The following HHAT variants were observed in gnomAD, a reference collection of about 807,000 sequenced individuals.
HHAT encodes hedgehog acyltransferase, also known as protein-cysteine N-palmitoyltransferase HHAT.
HHAT carries 47 observed loss-of-function variants against 70.8 expected under a neutral mutation model. The observed-to-expected ratio is 0.66, with a 90% CI of 0.53 to 0.85. HHAT has a LOEUF of 0.85. HHAT is among the 40% of genes least tolerant of loss of function. HHAT has a pLI of 0.00. For synonymous variants in HHAT, 228 were observed against 247.6 expected (o/e 0.92, Z 0.74); for missense variants, 609 against 604.8 (o/e 1.01, Z -0.07).
intron 4 of HHAT, among the ~76,000 whole-genome samples, chr1:210,397,440 G>A (rs946141454): frequency 9.9e-5 from 15 of 151,834 alleles, no homozygotes; most frequent in Non-Finnish European, 8.8e-5. Flanking sequence ...CGTACAGTAT[G>A]TGTGTGACCA....
rs558170666 is a variant in HHAT at position 210,668,750 on chromosome 1, A to G, written c.1391-5538A>G. Among the ~76,000 whole-genome samples, 509 of 152,104 alleles carry G rather than the reference A, an allele frequency of 3.3e-3. 5 individuals are homozygous for G. The highest frequency in any genetic ancestry group is 9.4e-3 in the African/African-American group (390 of 41,498). ...TACTGTTTTCCACAGTGGCTGTACCATTTCATATTACCTTTTATTTATTTA... is the reference window on the plus strand; with the variant it reads ...TACTGTTTTCCACAGTGGCTGTACCGTTTCATATTACCTTTTATTTATTTA... On this transcript the variant is annotated intron_variant, in intron 11 of 11. Transcript: ENST00000261458.
At chr1:210,381,544 G>C (rs920762130) in intron 3 of HHAT, among the ~76,000 whole-genome samples, 1 of 152,176 alleles carries the variant, frequency 6.6e-6, no homozygotes, top group Non-Finnish European at 1.5e-5. Flanking sequence ...GCTTTCCAAA[G>C]TGCTGGGATT....
intron 10 of HHAT, among the ~76,000 whole-genome samples, chr1:210,592,198 G>A (rs1661868750): frequency 6.6e-6 from 1 of 151,904 alleles, no homozygotes. Context: ...ATTTTGATTT[G>A]ATTTTTTTTA....
intron 3 of HHAT, among the ~76,000 whole-genome samples, chr1:210,371,292 G>T (rs1037952924): frequency 1.3e-5 from 2 of 152,158 alleles, no homozygotes; most frequent in Non-Finnish European, 2.9e-5. Context: ...GGGCCTACAG[G>T]CATGTGCCAT....
intron 8 of HHAT, among the ~76,000 whole-genome samples, chr1:210,511,506 C>T (rs1424213462): frequency 6.6e-6 from 1 of 152,078 alleles, no homozygotes; most frequent in East Asian, 1.9e-4. Flanking sequence ...GGCGAGGTAC[C>T]AGGCATGATG....
chr1:210,663,220 A>G (rs1574087984), intron 11 of HHAT, among the ~76,000 whole-genome samples: 1 of 152,190 alleles, frequency 6.6e-6, no homozygotes, highest in Non-Finnish European at 1.5e-5. Flanking sequence ...GGGCGGCCCC[A>G]GGAGATGGGG....
intron 1 of HHAT, among the ~76,000 whole-genome samples, chr1:210,342,311 G>T (rs536631656): frequency 1.3e-5 from 2 of 152,136 alleles, no homozygotes; most frequent in African/African-American, 2.4e-5. Context: ...ACATGAAATC[G>T]TATGTTTTAA....
intron 11 of HHAT, among the ~76,000 whole-genome samples, chr1:210,638,829 C>T (rs888290178): frequency 3.3e-5 from 5 of 151,964 alleles, no homozygotes; most frequent in Non-Finnish European, 5.9e-5. Context: ...TGCTTGAGCC[C>T]GGGAGGCCAA....
At chr1:210,456,538 G>A (rs2093872949) in intron 7 of HHAT, among the ~76,000 whole-genome samples, 1 of 152,218 alleles carries the variant, frequency 6.6e-6, no homozygotes, top group African/African-American at 2.4e-5. Flanking sequence ...GCTGTACTAT[G>A]AGTAGGGGAT....
intron 2 of HHAT, among the ~76,000 whole-genome samples, chr1:210,352,551 G>C (rs2087137388): frequency 6.6e-6 from 1 of 152,118 alleles, no homozygotes; most frequent in Admixed American, 6.5e-5. Context: ...AAGTGTATTT[G>C]TTCAGTGAAA....
chr1:210,372,838 G>T (rs1446220834), intron 3 of HHAT, among the ~76,000 whole-genome samples: 2 of 151,104 alleles, frequency 1.3e-5, no homozygotes, highest in African/African-American at 4.9e-5. Context: ...GGGATTACAG[G>T]CGTGAGCCAC....
chr1:210,374,184 T>A (rs769433510), intron 3 of HHAT: 3 of 152,164 alleles, frequency 2.0e-5, no homozygotes, highest in East Asian at 1.9e-4. Context: ...TTACAAAAAA[T>A]TAGCTTATAA....
chr1:210,513,937 C>T (rs954714006), intron 9 of HHAT, among the ~76,000 whole-genome samples: 7 of 152,158 alleles, frequency 4.6e-5, no homozygotes, highest in Admixed American at 1.3e-4. Flanking sequence ...TTATGTAGAG[C>T]GATTTGCTTT....
At chr1:210,434,034 A>C (rs1247163312) in intron 7 of HHAT, among the ~76,000 whole-genome samples, 1 of 151,966 alleles carries the variant, frequency 6.6e-6, no homozygotes, top group Non-Finnish European at 1.5e-5. Flanking sequence ...TAGATAGAAA[A>C]AGAGGGCTAT....
chr1:210,652,158 T>A (rs1490547887), intron 11 of HHAT, among the ~76,000 whole-genome samples: 1 of 151,736 alleles, frequency 6.6e-6, no homozygotes, highest in Non-Finnish European at 1.5e-5. Flanking sequence ...GTGGATGGGA[T>A]GATAGATGGA....
At chr1:210,473,939 C>T (rs555498507) in intron 8 of HHAT, among the ~76,000 whole-genome samples, 1 of 152,302 alleles carries the variant, frequency 6.6e-6, no homozygotes, top group African/African-American at 2.4e-5. Context: ...TGAGTGCAAC[C>T]TTCTGTTTCT....
intron 11 of HHAT, among the ~76,000 whole-genome samples, chr1:210,634,325 T>A (rs1242677032): frequency 6.6e-6 from 1 of 152,188 alleles, no homozygotes; most frequent in African/African-American, 2.4e-5. Flanking sequence ...TGGGTAAACC[T>A]GATTTCCGTT....
intron 2 of HHAT, among the ~76,000 whole-genome samples, chr1:210,361,317 C>T (rs1056306868): frequency 4.6e-5 from 7 of 152,192 alleles, no homozygotes; most frequent in South Asian, 2.1e-4. Context: ...CAGTGCAACA[C>T]GCAAATAGGT....
intron 9 of HHAT, among the ~76,000 whole-genome samples, chr1:210,514,532 T>C (rs2095020239): frequency 6.6e-6 from 1 of 152,236 alleles, no homozygotes; most frequent in South Asian, 2.1e-4. Flanking sequence ...TACTGTTCCC[T>C]TAATGCCTTG....
Sources: gnomAD v4.1 joint callset for allele counts (sites outside exome capture counted in the v4.1 genomes callset) on GRCh38, gnomAD v4.1.1 for gene constraint, MANE v1.5 for transcripts, NCBI Gene and HGNC (gene_info 2026-07-23, HGNC 2026-07-21) for gene names.